ADA2: variants seen among roughly 807,000 people sequenced by gnomAD.
ADA2 encodes adenosine deaminase CECR1.
A neutral mutation model predicts 44.2 loss-of-function variants in ADA2; 29 were observed. That is an observed-to-expected ratio of 0.66 (90% CI 0.49 to 0.89). The LOEUF is 0.89. ADA2 is among the 40% of genes least tolerant of loss of function. The pLI, the probability that ADA2 is intolerant of heterozygous loss-of-function variation, is 0.00. For missense variants in ADA2, 637 were observed against 644.8 expected, an observed-to-expected ratio of 0.99 and a Z score of 0.13; for synonymous variants, 215 against 234.9, an observed-to-expected ratio of 0.92 and a Z score of 0.77.
intron 1 of ADA2, among the ~76,000 whole-genome samples, chr22:17,214,789 A>G (rs972177356): frequency 6.6e-6 from 1 of 152,204 alleles, no homozygotes; most frequent in African/African-American, 2.4e-5. Context: ...CCATTCCCCA[A>G]AACCCTCCTT....
At chr22:17,183,456 C>CTTTTT (rs1227906560) in intron 7 of ADA2, among the ~76,000 whole-genome samples, 48 of 77,450 alleles carry the variant, frequency 6.2e-4, no homozygotes, top group Non-Finnish European at 8.7e-4. Flanking sequence ...TTGTGGCACT[C>CTTTTT]TTTTTTTTTT....
intron 4 of ADA2, 151 bp from the exon 5 acceptor site, chr22:17,191,961 A>AC: frequency 1.6e-6 from 1 of 608,212 alleles, no homozygotes; most frequent in Middle Eastern, 4.7e-4. Flanking sequence ...TTGCCCAGCC[A>AC]CCCCTGCCCA....
chr22:17,192,055 GACC>G (rs902215333), intron 4 of ADA2, among the ~76,000 whole-genome samples: 4 of 152,066 alleles, frequency 2.6e-5, no homozygotes, highest in African/African-American at 9.7e-5. Context: ...GGGGTCAGGG[GACC>G]CACAAAACAG....
chr22:17,221,142 C>CAA (rs111835390), upstream of ADA2, among the ~76,000 whole-genome samples: 3,219 of 129,158 alleles, frequency 0.025, 125 homozygotes, highest in African/African-American at 0.083. Context: ...GATTTTGTCT[C>CAA]AAAAAAAAAA....
Position 17,179,754 on chromosome 22 carries a change from GTA to G in ADA2, c.*1727_*1728del, listed in dbSNP as rs2061948502. On this transcript the variant is annotated 3_prime_UTR_variant, in exon 10 of 10. Transcript: ENST00000399837. ...ATGGATCCAGATTAAATCGGATGCT[GTA>G]TGCCCTGTGGAGACATGGGGTGTAC... 2 of 152,302 alleles carry G rather than the reference GTA, an allele frequency of 1.3e-5. No individual in the cohort carries two copies. Among genetic ancestry groups the G allele is most frequent in the Admixed American group, 1.3e-4 (2 of 15,276 alleles). The allele number at this position is 152,302 out of a possible 1,614,324, so 9.4% of individuals were successfully genotyped here.
Position 17,181,445 on chromosome 22 carries a change from G to A in ADA2, c.*38C>T, listed in dbSNP as rs528640161. 2.1e-4 allele frequency: 279 copies of A among 1,322,816 alleles called. No individual in the cohort carries two copies. The South Asian group carries it at 2.4e-3, about 11-fold the overall frequency. 81.9% of individuals were successfully genotyped at this position (1,322,816 alleles called of 1,614,324 possible). A position where few individuals can be genotyped will look rare whatever the true frequency, so the allele number is the denominator to read the frequency against. On this transcript the variant is annotated 3_prime_UTR_variant, in exon 10 of 10. Coordinates refer to ENST00000399837, the MANE Select transcript of ADA2 (RefSeq NM_001282225.2). ...CGAGTGAGAGGAAGTGACAGCGTGTGCAAGAAGACAGCTTGTAGAGGGCTG... is the reference window on the plus strand; with the variant it reads ...CGAGTGAGAGGAAGTGACAGCGTGTACAAGAAGACAGCTTGTAGAGGGCTG...
At chr22:17,189,621 CA>C (rs2062089536) in intron 6 of ADA2, among the ~76,000 whole-genome samples, 1 of 152,206 alleles carries the variant, frequency 6.6e-6, no homozygotes, top group African/African-American at 2.4e-5. Context: ...AGGGCACAGG[CA>C]GGGCCATGGG....
intron 4 of ADA2, among the ~76,000 whole-genome samples, chr22:17,194,945 C>T (rs895252461): frequency 6.6e-6 from 1 of 151,948 alleles, no homozygotes; most frequent in African/African-American, 2.4e-5. Context: ...TCCCCTCTCC[C>T]GTACCAGGAG....
At chr22:17,189,223 GC>G (rs1403308171) in intron 6 of ADA2, among the ~76,000 whole-genome samples, 1 of 151,758 alleles carries the variant, frequency 6.6e-6, no homozygotes, top group Non-Finnish European at 1.5e-5. Context: ...CTCCATGTTG[GC>G]CAGGCTGGTC....
Position 17,181,927 on chromosome 22 carries a change from C to G in ADA2, c.1335G>C (p.Met445Ile), listed in dbSNP as rs1265300292. ...PMVISSDDPA[M>I]FGAKGLSYDF... ...CATAGGACAAGCCTTTGGCACCAAA[C>G]ATAGCTGGGTCATCAGAGCTGATCA... is the stretch of plus-strand genomic sequence containing the variant. The change falls in exon 9 of 10, where the codon ATG becomes ATC. Residue 445 changes from methionine (M) to isoleucine (I), a missense_variant. Coordinates refer to ENST00000399837, the MANE Select transcript of ADA2 (RefSeq NM_001282225.2). The G allele has an allele frequency of 6.2e-7, 1 of 1,614,218 alleles. No individual in the cohort carries two copies. Among genetic ancestry groups the G allele is most frequent in the Admixed American group, 1.7e-5 (1 of 60,024 alleles).
intron 2 of ADA2, among the ~76,000 whole-genome samples, chr22:17,208,895 C>T (rs2123714063): frequency 6.6e-6 from 1 of 151,862 alleles, no homozygotes; most frequent in South Asian, 2.1e-4. Context: ...GAGGTGCCAT[C>T]ATAGCTCCCT....
rs1476606615 is a variant in ADA2 at position 17,207,073 on chromosome 22, G to C, written c.540C>G (p.Asp180Glu). The change falls in exon 3 of 10, where the codon GAC (aspartate) becomes GAG (glutamate). Residue 180 changes from aspartate (D) to glutamate (E), a missense_variant and splice_region_variant. Physicochemically the swap from Asp to Glu is conservative, Grantham distance 45. Coordinates refer to ENST00000399837, the MANE Select transcript of ADA2 (RefSeq NM_001282225.2). ...GTGCTTTCTGAACTACTACTCACCT[G>C]TCATCAAACTCAGTGACGTTCTGCA... ...KRVQNVTEFDDSLLRNFTLVT... is the reference protein window; with the variant it reads ...KRVQNVTEFDESLLRNFTLVT... 6.2e-7 allele frequency: 1 copy of C among 1,613,282 alleles called. No individual in the cohort carries two copies. Among genetic ancestry groups the C allele is most frequent in the Non-Finnish European group, 8.5e-7 (1 of 1,179,258 alleles).
Position 17,189,741 on chromosome 22 carries a change from G to A in ADA2, c.972+201C>T, listed in dbSNP as rs1413149448. On this transcript the variant is annotated intron_variant, in intron 6 of 9. Coordinates refer to ENST00000399837, the MANE Select transcript of ADA2 (RefSeq NM_001282225.2). ...GTCTGCTCTCCCTTCTCCAGTGACA[G>A]CCGTCCCCTGTAGGCCTCTGAAGAG... 2.2e-5 allele frequency: 12 copies of A among 537,032 alleles called. No homozygotes were observed. In the African/African-American group the frequency reaches 2.3e-4, roughly 10 times the overall value. 33.3% of individuals were successfully genotyped at this position (537,032 alleles called of 1,614,324 possible). A position where few individuals can be genotyped will look rare whatever the true frequency, so the allele number is the denominator to read the frequency against.
At chr22:17,193,183 T>A in intron 4 of ADA2, 2 of 1,382,580 alleles carry the variant, frequency 1.4e-6, no homozygotes, top group Non-Finnish European at 2.0e-6. Context: ...TGTGCAACAA[T>A]CTCCCTGTGC....
rs2062328572 is a variant in ADA2, at chr22:17,204,378, A to T, written c.543-605T>A. Among the ~76,000 whole-genome samples the T allele has an allele frequency of 2.0e-5, 3 of 152,168 alleles. No individual in the cohort carries two copies. The South Asian group carries it at 6.2e-4, about 32-fold the overall frequency. ...ACGCCTGTAATCCCAACACTTTGGG[A>T]GGCCAAGATGGGTGGATCATTTGAG... On this transcript the variant is annotated intron_variant, in intron 3 of 9. Coordinates refer to ENST00000399837, the MANE Select transcript of ADA2 (RefSeq NM_001282225.2).
chr22:17,203,806 G>T, intron 3 of ADA2, 33 bp from the exon 4 acceptor site: 1 of 1,496,552 alleles, frequency 6.7e-7, no homozygotes, highest in Non-Finnish European at 9.3e-7. Flanking sequence ...AGTGGCAGAG[G>T]CATGATCCAG....
chr22:17,207,400 G>C (rs753230386), intron 2 of ADA2, 110 bp from the exon 3 acceptor site: 76 of 769,894 alleles, frequency 9.9e-5, no homozygotes, highest in Middle Eastern at 7.8e-4. Context: ...CTCTGGGGCT[G>C]TGGGGACAAA....
intron 3 of ADA2, among the ~76,000 whole-genome samples, chr22:17,206,096 T>C (rs544159388): frequency 6.6e-6 from 1 of 152,308 alleles, no homozygotes; most frequent in East Asian, 1.9e-4. Context: ...TTGTCATCAC[T>C]TCAGAGCTAG....
intron 6 of ADA2, among the ~76,000 whole-genome samples, chr22:17,189,046 G>A (rs2062080943): frequency 7.5e-6 from 1 of 133,536 alleles, no homozygotes; most frequent in Non-Finnish European, 1.6e-5. Context: ...TTGAGATGGA[G>A]TCTTGCTCTG....
Sources: allele counts gnomAD v4.1 joint callset (sites outside exome capture counted in the v4.1 genomes callset), GRCh38; gene constraint gnomAD v4.1.1; transcripts MANE v1.5; gene names NCBI Gene and HGNC (gene_info 2026-07-23, HGNC 2026-07-21).